The following CENPE variants were observed in gnomAD, a reference collection of about 807,000 sequenced individuals.
CENPE encodes the protein centromere-associated protein E.
In CENPE, 145 loss-of-function variants were observed where a neutral mutation model predicts 336.1. The observed-to-expected ratio is 0.43, with a 90% CI of 0.38 to 0.50. CENPE has a LOEUF of 0.50. Ranked by LOEUF, CENPE falls within the 20% of genes least tolerant of loss-of-function variation. The pLI is 0.00. For missense variants in CENPE, 2,719 were observed against 3,023.3 expected (o/e 0.90, Z 2.36); for synonymous variants, 1,013 against 984.8 (o/e 1.03, Z -0.54).
chr4:103,145,988 C>T lies in CENPE; in HGVS notation c.4254G>A (p.Arg1418=), dbSNP rs146006342. The T allele has an allele frequency of 1.5e-5, 25 of 1,613,894 alleles. No individual in the cohort carries two copies. Among genetic ancestry groups the T allele is most frequent in the African/African-American group, 8.0e-5 (6 of 75,004 alleles). ...ACAATCCGAGCATTTCTATTTCTAT[C>T]CTTAGTAGTGCTGAATCTTTGGGTT... The part of the protein sequence containing the change: ...QFKPKDSALL[R]IEIEMLGLSK... The change falls in exon 30 of 49, where the codon AGG becomes AGA. Residue 1418 remains arginine, a synonymous_variant. Transcript: ENST00000265148.
chr4:103,191,683 A>G (rs567781343), intron 8 of CENPE, among the ~76,000 whole-genome samples: 4 of 152,092 alleles, frequency 2.6e-5, no homozygotes, highest in East Asian at 3.9e-4. Context: ...ATTAGGAGAT[A>G]TACCTAATGT....
intron 23 of CENPE, 62 bp from the exon 24 acceptor site, chr4:103,158,520 T>C (rs890163637): frequency 6.7e-7 from 1 of 1,499,710 alleles, no homozygotes; most frequent in African/African-American, 1.4e-5. Context: ...ATTTTGTAGC[T>C]ACTACATAAC....
chr4:103,137,548 A>G (rs77424158), intron 39 of CENPE, among the ~76,000 whole-genome samples: 1 of 152,176 alleles, frequency 6.6e-6, no homozygotes, highest in Non-Finnish European at 1.5e-5. Context: ...GGATGAATCA[A>G]CTACGGTATA....
Position 103,110,989 on chromosome 4 carries a change from A to T in CENPE, c.7563T>A (p.Pro2521=). 6.2e-7 allele frequency: 1 copy of T among 1,606,296 alleles called. No individual in the cohort carries two copies. The highest frequency in any genetic ancestry group is 8.5e-7 in the Non-Finnish European group (1 of 1,177,054). Residue 2521 remains proline (P), a synonymous_variant, in exon 47 of 49, where the codon CCT becomes CCA. Coordinates refer to ENST00000265148, the MANE Select transcript of CENPE (RefSeq NM_001813.3). ...AAGTTAAGGGTTTATTTGAAGGCTG[A>T]GGATCAGTATGTTCTGATATCACTG... ...DTSVISEHTD[P]QPSNKPLTCG...
At position 103,149,179 on chromosome 4, in the gene CENPE, T is replaced by C. The variant is rs936497087; in HGVS notation, c.3626A>G (p.Gln1209Arg). 2 of 1,610,538 alleles carry C rather than the reference T, an allele frequency of 1.2e-6. No homozygotes were observed. Among genetic ancestry groups the C allele is most frequent in the African/African-American group, 2.7e-5 (2 of 74,742 alleles). ...TKERKVLKEL[Q>R]KSFETERDHL... ...GTCTCTCTCTGTTTCAAATGACTTCTGTAATTCCTTTAGAACTTTTCTTTC... is the reference window on the plus strand; with the variant it reads ...GTCTCTCTCTGTTTCAAATGACTTCCGTAATTCCTTTAGAACTTTTCTTTC... Residue 1209 changes from glutamine (Q) to arginine (R), a missense_variant, in exon 27 of 49, where the codon CAG (glutamine) becomes CGG (arginine). By Grantham distance (43) the Gln-to-Arg change is conservative (BLOSUM62 1). Transcript: ENST00000265148.
intron 15 of CENPE, among the ~76,000 whole-genome samples, chr4:103,175,282 T>G (rs1329310305): frequency 2.0e-5 from 3 of 151,918 alleles, no homozygotes; most frequent in Non-Finnish European, 4.4e-5. Flanking sequence ...AACTGTGTTT[T>G]ACTATAAAGA....
At chr4:103,124,615 T>C (rs556462042) in intron 42 of CENPE, among the ~76,000 whole-genome samples, 1 of 152,346 alleles carries the variant, frequency 6.6e-6, no homozygotes, top group South Asian at 2.1e-4. Flanking sequence ...TTAATCTGAA[T>C]ATCTTGTATT....
intron 2 of CENPE, 87 bp downstream of exon 2, chr4:103,196,672 T>A: frequency 7.3e-6 from 5 of 680,922 alleles, no homozygotes; most frequent in Non-Finnish European, 1.3e-5. Flanking sequence ...TAATCTTTAG[T>A]GACAAATCTA....
chr4:103,163,282 C>T, intron 17 of CENPE, 26 bp from the exon 18 acceptor site: 1 of 1,585,576 alleles, frequency 6.3e-7, no homozygotes, highest in Non-Finnish European at 8.6e-7. Flanking sequence ...GAGAGAGTAA[C>T]AATTTAGAAT....
At chr4:103,149,088 T>A in intron 27 of CENPE, 30 bp downstream of exon 27, 1 of 1,580,600 alleles carries the variant, frequency 6.3e-7, no homozygotes, top group Non-Finnish European at 8.6e-7. Flanking sequence ...AAGAAACACT[T>A]AATAGATGAA....
chr4:103,108,689 G>A, intron 48 of CENPE, 114 bp downstream of exon 48: 1 of 967,654 alleles, frequency 1.0e-6, no homozygotes, highest in Non-Finnish European at 1.5e-6. Context: ...GCCTGTCATT[G>A]TAGCTTACTC....
intron 42 of CENPE, among the ~76,000 whole-genome samples, chr4:103,129,984 T>G (rs1439897169): frequency 6.6e-6 from 1 of 152,166 alleles, no homozygotes; most frequent in Non-Finnish European, 1.5e-5. Context: ...ATTCATAATT[T>G]AAAACTCTCA....
Position 103,138,401 on chromosome 4 carries a change from C to T in CENPE, c.6253G>A (p.Gly2085Arg), listed in dbSNP as rs749678928. ...AGGCTTTCCGTAAGGTGCTGTTGTC[C>T]ATCACTTAGTAACCTTTTTTCAGGT... ...VKPEKRLLSD[G>R]QQHLTESLRE... The change falls in exon 39 of 49, where the codon GGA becomes AGA. Residue 2085 changes from glycine (G) to arginine (R), a missense_variant. Physicochemically the swap from Gly to Arg is moderately radical, Grantham distance 125. Around this residue, in one of 5 missense-constraint regions of CENPE, gnomAD observed 2,437 missense variants for 2,513.3 expected, o/e 0.97. Coordinates refer to ENST00000265148, the MANE Select transcript of CENPE (RefSeq NM_001813.3). 2.7e-5 allele frequency: 43 copies of T among 1,613,578 alleles called. No homozygotes were observed. The East Asian group carries it at 9.6e-4, about 36-fold the overall frequency.
chr4:103,162,758 T>C (rs1379997128), intron 18 of CENPE, among the ~76,000 whole-genome samples: 2 of 152,016 alleles, frequency 1.3e-5, no homozygotes, highest in Non-Finnish European at 2.9e-5. Flanking sequence ...CAGGTCTCAC[T>C]ATGTTGCCCA....
At chr4:103,196,546 T>C (rs1757753055) in intron 2 of CENPE, among the ~76,000 whole-genome samples, 4 of 152,218 alleles carry the variant, frequency 2.6e-5, no homozygotes, top group African/African-American at 9.6e-5. Context: ...TCTACCTAGA[T>C]GCAAATTAGA....
intron 24 of CENPE, among the ~76,000 whole-genome samples, chr4:103,155,072 A>G (rs1753857091): frequency 6.6e-6 from 1 of 152,196 alleles, no homozygotes; most frequent in Non-Finnish European, 1.5e-5. Flanking sequence ...CCTGGTGAAC[A>G]GAATGGCCTC....
intron 16 of CENPE, 67 bp from the exon 17 acceptor site, chr4:103,163,620 A>AAAAAG (rs1560649127): frequency 5.1e-6 from 4 of 777,874 alleles, no homozygotes; most frequent in Admixed American, 3.5e-5. Context: ...AAAAAAAAAA[A>AAAAAG]AAAAAGAAAA....
intron 42 of CENPE, among the ~76,000 whole-genome samples, chr4:103,129,562 C>A (rs1026210170): frequency 6.6e-6 from 1 of 151,760 alleles, no homozygotes; most frequent in South Asian, 2.1e-4. Flanking sequence ...CATGGTGAAA[C>A]CCGTCTCTAC....
chr4:103,141,827 T>C lies in CENPE; in HGVS notation c.5386A>G (p.Ile1796Val). 1 of 1,589,920 alleles carries C rather than the reference T, an allele frequency of 6.3e-7. No homozygotes were observed. Among genetic ancestry groups the C allele is most frequent in the Non-Finnish European group, 8.6e-7 (1 of 1,161,090 alleles). ...QQETIDKLRG[I>V]VSEKTDKLSN... ...AGTTTATCTGTCTTCTCAGAAACAATTCCTCTGAGTTTGTCAATAGTTTCC... is the reference window on the plus strand; with the variant it reads ...AGTTTATCTGTCTTCTCAGAAACAACTCCTCTGAGTTTGTCAATAGTTTCC... Residue 1796 changes from isoleucine (I) to valine (V), a missense_variant, in exon 35 of 49, where the codon ATT (isoleucine) becomes GTT (valine). Physicochemically the swap from Ile to Val is conservative, Grantham distance 29. Around this residue, in one of 5 missense-constraint regions of CENPE, gnomAD observed 2,437 missense variants for 2,513.3 expected, o/e 0.97. Coordinates refer to ENST00000265148, the MANE Select transcript of CENPE (RefSeq NM_001813.3).
Sources: allele counts gnomAD v4.1 joint callset (sites outside exome capture counted in the v4.1 genomes callset), GRCh38; gene constraint gnomAD v4.1.1; regional missense constraint gnomAD v4.1.1; transcripts MANE v1.5; gene names NCBI Gene and HGNC (gene_info 2026-07-23, HGNC 2026-07-21).